C5orf63: variants seen among roughly 807,000 people sequenced by gnomAD.
The protein encoded by C5orf63 is chromosome 5 open reading frame 63, also known as glutaredoxin-like protein C5orf63.
A neutral mutation model predicts 13.3 loss-of-function variants in C5orf63; 18 were observed. The ratio of observed to expected loss-of-function variants is 1.36; its 90% CI spans 0.94 to 2.01. C5orf63 has a LOEUF of 2.01. C5orf63 is among the 30% of genes most tolerant of loss of function. The pLI is 0.00. For missense variants in C5orf63, 118 were observed against 127.7 expected (o/e 0.92, Z 0.36); for synonymous variants, 38 against 44.7 (o/e 0.85, Z 0.60).
downstream of C5orf63, among the ~76,000 whole-genome samples, chr5:127,048,444 C>T (rs1376379342): frequency 6.6e-6 from 1 of 152,102 alleles, no homozygotes; most frequent in Admixed American, 6.6e-5. Flanking sequence ...CATTCGCTTT[C>T]CAGTGAGTCC....
chr5:127,051,566 T>C lies in C5orf63; in HGVS notation c.*205A>G. On this transcript the variant is annotated 3_prime_UTR_variant, in exon 5 of 5. Transcript: ENST00000296662. ...TCCCTCCCTGCTAATATGCTCTTCT[T>C]ATTTTATAAAATGCCATTAAGCAAA... is the stretch of plus-strand genomic sequence containing the variant. 1 of 1,248,842 alleles carries C rather than the reference T, an allele frequency of 8.0e-7. No individual in the cohort carries two copies. Among genetic ancestry groups the C allele is most frequent in the Non-Finnish European group, 1.0e-6 (1 of 997,374 alleles). The allele number at this position is 1,248,842 out of a possible 1,614,324, so 77.4% of individuals were successfully genotyped here. A position where few individuals can be genotyped will look rare whatever the true frequency, so the allele number is the denominator to read the frequency against.
chr5:127,052,656 A>AG lies in C5orf63; in HGVS notation c.127dup (p.Leu43ProfsTer3). 6.6e-7 allele frequency: 1 copy of AG among 1,512,222 alleles called. No homozygotes were observed. Among genetic ancestry groups the AG allele is most frequent in the South Asian group, 1.3e-5 (1 of 78,902 alleles). 93.7% of individuals were successfully genotyped at this position (1,512,222 alleles called of 1,614,324 possible). A position where few individuals can be genotyped will look rare whatever the true frequency, so the allele number is the denominator to read the frequency against. On this transcript the variant is annotated frameshift_variant, in exon 4 of 5. Transcript: ENST00000296662. LOFTEE classifies it high-confidence loss of function. The stretch of plus-strand genomic sequence containing the variant: ...GAGTACTTCCTTGGCTTCATCACAA[A>AG]GGGGGCATGGGTCCTACAGGAAGAA...
intron 3 of C5orf63, among the ~76,000 whole-genome samples, chr5:127,054,572 T>C (rs978785337): frequency 3.3e-5 from 5 of 152,230 alleles, no homozygotes; most frequent in African/African-American, 1.2e-4. Context: ...TGCCCACTTT[T>C]TGATGGGATT....
chr5:127,063,301 TA>T (rs1482481340), intron 2 of C5orf63, among the ~76,000 whole-genome samples: 2 of 152,194 alleles, frequency 1.3e-5, no homozygotes, highest in Non-Finnish European at 2.9e-5. Context: ...TGCAAGGGAC[TA>T]AAGGGCACAC....
At chr5:127,065,294 A>G (rs181482504) in intron 2 of C5orf63, among the ~76,000 whole-genome samples, 29 of 152,378 alleles carry the variant, frequency 1.9e-4, no homozygotes, top group African/African-American at 5.0e-4. Flanking sequence ...GTCAGAAGTT[A>G]AGACATGTAT....
chr5:127,053,990 G>A (rs1311146148), intron 3 of C5orf63, among the ~76,000 whole-genome samples: 4 of 152,100 alleles, frequency 2.6e-5, no homozygotes, highest in Non-Finnish European at 5.9e-5. Flanking sequence ...CATAGATTAT[G>A]GGTAGTTTGT....
intron 3 of C5orf63, among the ~76,000 whole-genome samples, chr5:127,054,061 T>A (rs1753786787): frequency 6.6e-6 from 1 of 152,148 alleles, no homozygotes. Flanking sequence ...CAACACAGGA[T>A]CTTAAAAGCA....
intron 2 of C5orf63, among the ~76,000 whole-genome samples, chr5:127,060,817 T>C (rs1754075583): frequency 6.6e-6 from 1 of 152,234 alleles, no homozygotes; most frequent in African/African-American, 2.4e-5. Flanking sequence ...CTTACCAATG[T>C]TAGTCAGCCC....
intron 1 of C5orf63, chr5:127,072,102 C>T (rs548121807): frequency 6.6e-6 from 1 of 152,182 alleles, no homozygotes; most frequent in Non-Finnish European, 1.5e-5. Context: ...GCTGCCAGAG[C>T]AGGAGGGAAG....
downstream of C5orf63, among the ~76,000 whole-genome samples, chr5:127,050,922 A>G (rs1753649855): frequency 6.6e-6 from 1 of 152,230 alleles, no homozygotes; most frequent in African/African-American, 2.4e-5. Flanking sequence ...AATATAAATA[A>G]GGGTACGCAA....
At chr5:127,053,400 T>G (rs1288659745) in intron 3 of C5orf63, among the ~76,000 whole-genome samples, 1 of 151,780 alleles carries the variant, frequency 6.6e-6, no homozygotes, top group African/African-American at 2.4e-5. Flanking sequence ...CTCCTATATT[T>G]TGTTATTATA....
chr5:127,043,861 A>G (rs1204778738), downstream of C5orf63: 1 of 152,242 alleles, frequency 6.6e-6, no homozygotes, highest in Non-Finnish European at 1.5e-5. Context: ...TAGTCTCATG[A>G]TGCAAATGTA....
chr5:127,047,891 G>C (rs753391035), downstream of C5orf63: 10 of 702,042 alleles, frequency 1.4e-5, no homozygotes, highest in Non-Finnish European at 2.3e-5. Context: ...CTTGTTCCTG[G>C]CAGCTTCTGA....
chr5:127,073,151 A>C (rs1326948255), intron 1 of C5orf63: 1 of 151,750 alleles, frequency 6.6e-6, no homozygotes, highest in Non-Finnish European at 1.5e-5. Flanking sequence ...AGGAGTATGA[A>C]GTTGAGATGT....
intron 2 of C5orf63, among the ~76,000 whole-genome samples, chr5:127,069,792 A>T (rs933205891): frequency 1.3e-5 from 2 of 152,132 alleles, no homozygotes; most frequent in African/African-American, 2.4e-5. Flanking sequence ...AATAGCTATC[A>T]TTGATAGAAT....
Position 127,051,835 on chromosome 5 carries a change from C to T in C5orf63, c.284G>A (p.Arg95Gln), listed in dbSNP as rs868205707. ...HLNGQFLMMH[R>Q]VNTSKLEKQL... ...TTTTTCAAGTTTTGAGGTGTTTACT[C>T]GATGCATCATCAGAAACTGGCCATT... Residue 95 changes from arginine to glutamine, a missense_variant, in exon 5 of 5, where the codon CGA becomes CAA. Arg to Gln is a conservative substitution (Grantham distance 43). Coordinates refer to ENST00000296662, the MANE Select transcript of C5orf63 (RefSeq NM_001164478.2). 14 of 1,535,360 alleles carry T rather than the reference C, an allele frequency of 9.1e-6. No homozygotes were observed. Among genetic ancestry groups the T allele is most frequent in the Admixed American group, 4.0e-5 (2 of 50,622 alleles).
intron 3 of C5orf63, among the ~76,000 whole-genome samples, chr5:127,055,253 C>G (rs1160961882): frequency 1.3e-5 from 2 of 152,156 alleles, no homozygotes; most frequent in East Asian, 3.8e-4. Context: ...TTGGAAAAAA[C>G]TACGTTAAAG....
intron 2 of C5orf63, among the ~76,000 whole-genome samples, chr5:127,063,128 G>A (rs913251776): frequency 1.3e-5 from 2 of 152,194 alleles, no homozygotes; most frequent in Non-Finnish European, 2.9e-5. Flanking sequence ...CGGAGGCATG[G>A]ATCACCCTGA....
rs773159880 is a variant in C5orf63 at position 127,051,781 on chromosome 5, G to C, written c.338C>G (p.Thr113Ser). 1.3e-6 allele frequency: 2 copies of C among 1,520,236 alleles called. No homozygotes were observed. The highest frequency in any genetic ancestry group is 2.8e-5 in the African/African-American group (2 of 72,328). 94.2% of individuals were successfully genotyped at this position (1,520,236 alleles called of 1,614,324 possible). The change falls in exon 5 of 5, where the codon ACT becomes AGT. Residue 113 changes from threonine (T) to serine (S), a missense_variant. Thr to Ser is a moderately conservative substitution (Grantham distance 58). Transcript: ENST00000296662. The part of the protein sequence containing the change: ...KQLLKLEQQS[T>S]GG Reference sequence around the variant, plus strand: ...TCATGAGGGCATCAGTCAGCCTCCAGTACTTTGCTGCTCAAGTTTCAGGAG... The same window carrying C: ...TCATGAGGGCATCAGTCAGCCTCCACTACTTTGCTGCTCAAGTTTCAGGAG...
Sources: gnomAD v4.1 joint callset for allele counts (sites outside exome capture counted in the v4.1 genomes callset) on GRCh38, gnomAD v4.1.1 for gene constraint, MANE v1.5 for transcripts, NCBI Gene and HGNC (gene_info 2026-07-23, HGNC 2026-07-21) for gene names.